Variants in GSE1 observed in about 807,000 individuals in gnomAD.
GSE1 encodes Gse1 coiled-coil protein.
GSE1 carries 32 observed loss-of-function variants against 112.6 expected under a neutral mutation model. That is an observed-to-expected ratio of 0.28 (90% CI 0.21 to 0.38). The LOEUF (loss-of-function observed/expected upper bound fraction) is 0.38. Among genes scored for constraint, GSE1 ranks in the 10% least tolerant of loss-of-function variants. The probability of loss-of-function intolerance (pLI) is 1.00; values close to 1 mark genes in which losing one functional copy is unlikely to be tolerated. For synonymous variants in GSE1, 1,115 were observed against 735.6 expected, an observed-to-expected ratio of 1.52 and a Z score of -8.35; for missense variants, 2,348 against 1,699.2, an observed-to-expected ratio of 1.38 and a Z score of -6.71.
At chr16:85,459,412 T>C (rs568639499) in intron 2 of GSE1, among the ~76,000 whole-genome samples, 3 of 152,352 alleles carry the variant, frequency 2.0e-5, no homozygotes, top group African/African-American at 7.2e-5. Flanking sequence ...CCGCTTGCCA[T>C]TTCCTCCAGG....
chr16:85,620,088 C>T (rs1426505629), intron 1 of GSE1, among the ~76,000 whole-genome samples: 1 of 152,052 alleles, frequency 6.6e-6, no homozygotes, highest in African/African-American at 2.4e-5. Flanking sequence ...TTGAGCTCTG[C>T]AGTTTAAGAC....
chr16:85,183,829 G>T (rs1315094352), intron 1 of GSE1, among the ~76,000 whole-genome samples: 1 of 152,150 alleles, frequency 6.6e-6, no homozygotes, highest in Non-Finnish European at 1.5e-5. Flanking sequence ...GAGCTGACAT[G>T]GGATCCCTGT....
rs2966844 is a variant in GSE1, at chr16:85,311,774, T to C, written c.2284-45689T>C. On this transcript the variant is annotated intron_variant, in intron 1 of 2. Coordinates refer to the GSE1 transcript ENST00000637419. The surrounding 1 kb of genome is among the most constrained non-coding windows in gnomAD (Gnocchi z 4.2). ...GCTCTCCAGGGACATCTGTCCCACC[T>C]GCCGATGCCCACATACCACCTTGCA... is the stretch of plus-strand genomic sequence containing the variant. Among the ~76,000 whole-genome samples, 131,628 of 152,078 alleles carry C rather than the reference T, an allele frequency of 0.87. 57,220 individuals are homozygous for C. The highest frequency in any genetic ancestry group is 0.94 in the African/African-American group (39,011 of 41,528).
intron 2 of GSE1, among the ~76,000 whole-genome samples, chr16:85,495,291 G>A (rs1597951413): frequency 6.6e-6 from 1 of 152,098 alleles, no homozygotes; most frequent in South Asian, 2.1e-4. Context: ...GTGGGGGCGA[G>A]GAGGGAGCAC....
At chr16:85,249,644 C>G (rs770853438) in intron 1 of GSE1, among the ~76,000 whole-genome samples, 15 of 152,206 alleles carry the variant, frequency 9.9e-5, no homozygotes, top group African/African-American at 3.6e-4. Context: ...TGGGGGCAGG[C>G]GTCCAGCTGC....
chr16:85,386,451 G>A (rs1462722426), intron 2 of GSE1, among the ~76,000 whole-genome samples: 1 of 152,228 alleles, frequency 6.6e-6, no homozygotes, highest in African/African-American at 2.4e-5. Flanking sequence ...GGTTTGAGAT[G>A]ATAGGGTGAG....
chr16:85,413,440 C>T (rs1027942508), intron 2 of GSE1, among the ~76,000 whole-genome samples: 1 of 152,020 alleles, frequency 6.6e-6, no homozygotes, highest in African/African-American at 2.4e-5. Context: ...GGCCTGCTCT[C>T]CCGGGTGACC....
At chr16:85,556,039 C>T (rs1018496588) in exon 1 of GSE1, 3 of 984,910 alleles carry the variant, frequency 3.0e-6, no homozygotes, top group Non-Finnish European at 3.6e-6. Context: ...GGCTCCGGCC[C>T]GTCCTTGGTC....
intron 1 of GSE1, among the ~76,000 whole-genome samples, chr16:85,259,511 G>T (rs1338788720): frequency 1.3e-5 from 2 of 152,266 alleles, no homozygotes; most frequent in African/African-American, 2.4e-5. Context: ...CCTCACGGCC[G>T]GCTTGTTTTG....
chr16:85,353,819 T>G (rs144742058), intron 1 of GSE1, among the ~76,000 whole-genome samples: 1 of 152,342 alleles, frequency 6.6e-6, no homozygotes, highest in Non-Finnish European at 1.5e-5. Context: ...TCAATGCCCT[T>G]GCAGAGTTTC....
chr16:85,460,926 G>A (rs556055688), intron 2 of GSE1, among the ~76,000 whole-genome samples: 34 of 152,364 alleles, frequency 2.2e-4, no homozygotes, highest in African/African-American at 7.9e-4. Flanking sequence ...AAAGGGCTTG[G>A]TCCAGTGGGG....
At chr16:85,374,601 C>A (rs887669531) in intron 2 of GSE1, among the ~76,000 whole-genome samples, 1 of 151,940 alleles carries the variant, frequency 6.6e-6, no homozygotes, top group Non-Finnish European at 1.5e-5. Context: ...GTACAGGTCT[C>A]AGGGTGTGTG....
At chr16:85,234,210 C>G (rs1401119510) in intron 1 of GSE1, among the ~76,000 whole-genome samples, 6 of 152,150 alleles carry the variant, frequency 3.9e-5, no homozygotes, top group Non-Finnish European at 1.5e-5. Context: ...CCTTAGATAC[C>G]CATCCCCTGG....
In GSE1 at chr16:85,656,555, C is replaced by T. The variant is rs2051971594; in HGVS notation, c.1202C>T (p.Ala401Val). 1.3e-6 allele frequency: 2 copies of T among 1,548,514 alleles called. No homozygotes were observed. Among genetic ancestry groups the T allele is most frequent in the Non-Finnish European group, 1.7e-6 (2 of 1,146,362 alleles). The change falls in exon 7 of 16, where the codon GCC becomes GTC. Residue 401 changes from alanine (A) to valine (V), a missense_variant. Physicochemically the swap from Ala to Val is moderately conservative, Grantham distance 64 (BLOSUM62 0). Transcript: ENST00000253458. ...GCCCGGGAGAAGGAGCTGCTGGCCGCCAAGGCCCTGGAGCCCAGCTTCCTG... is the reference window on the plus strand; with the variant it reads ...GCCCGGGAGAAGGAGCTGCTGGCCGTCAAGGCCCTGGAGCCCAGCTTCCTG... ...QRAREKELLAAKALEPSFLPV... is the reference protein window; with the variant it reads ...QRAREKELLAVKALEPSFLPV...
chr16:85,527,971 G>C (rs915813146), intron 2 of GSE1, among the ~76,000 whole-genome samples: 12 of 152,190 alleles, frequency 7.9e-5, no homozygotes, highest in African/African-American at 7.2e-5. Flanking sequence ...ATGTGTGTCT[G>C]TTCTGTTCTC....
intron 1 of GSE1, among the ~76,000 whole-genome samples, chr16:85,606,330 A>G (rs1239493468): frequency 2.0e-5 from 3 of 152,252 alleles, no homozygotes; most frequent in Non-Finnish European, 4.4e-5. Context: ...CACCCCAGAC[A>G]GCAGGAGCGC....
chr16:85,382,831 C>G (rs966271448), intron 2 of GSE1, among the ~76,000 whole-genome samples: 29 of 151,818 alleles, frequency 1.9e-4, no homozygotes, highest in African/African-American at 6.8e-4. Flanking sequence ...CACAAACACA[C>G]TCATGCACAC....
chr16:85,539,519 G>A (rs2044446783), intron 2 of GSE1, among the ~76,000 whole-genome samples: 1 of 152,224 alleles, frequency 6.6e-6, no homozygotes, highest in South Asian at 2.1e-4. Flanking sequence ...TTGTAATAAA[G>A]AATGGATAAC....
intron 1 of GSE1, among the ~76,000 whole-genome samples, chr16:85,574,358 C>A (rs1260877049): frequency 6.6e-6 from 1 of 152,218 alleles, no homozygotes; most frequent in Non-Finnish European, 1.5e-5. Context: ...GGTCACACAG[C>A]CAGTTAGAGG....
Sources: gnomAD v4.1 joint callset for allele counts (sites outside exome capture counted in the v4.1 genomes callset) on GRCh38, gnomAD v4.1.1 for gene constraint, Gnocchi (gnomAD v3.1) non-coding constraint, MANE v1.5 for transcripts, NCBI Gene and HGNC (gene_info 2026-07-23, HGNC 2026-07-21) for gene names.